MAN1A2: variants seen among roughly 807,000 people sequenced by gnomAD.
The protein encoded by MAN1A2 is mannosyl-oligosaccharide 1,2-alpha-mannosidase IB.
A neutral mutation model predicts 75.7 loss-of-function variants in MAN1A2; 26 were observed. The ratio of observed to expected loss-of-function variants is 0.34; its 90% confidence interval spans 0.25 to 0.48. The LOEUF is 0.48. Ranked by LOEUF, MAN1A2 falls within the 20% of genes least tolerant of loss-of-function variation. The pLI is 0.99. For missense variants in MAN1A2, 562 were observed against 775.5 expected (o/e 0.72, Z 3.27); for synonymous variants, 247 against 264.6 (o/e 0.93, Z 0.65).
chr1:117,511,511 A>G (rs954892237), intron 12 of MAN1A2, among the ~76,000 whole-genome samples: 2 of 151,904 alleles, frequency 1.3e-5, no homozygotes, highest in African/African-American at 4.8e-5. Context: ...CTTCCAGTAG[A>G]ATGTAAGCCT....
intron 6 of MAN1A2, among the ~76,000 whole-genome samples, chr1:117,456,685 A>C (rs1034454613): frequency 2.6e-5 from 4 of 152,026 alleles, no homozygotes; most frequent in Non-Finnish European, 4.4e-5. Context: ...TAAAATGTTT[A>C]AATATTTCAG....
intron 1 of MAN1A2, among the ~76,000 whole-genome samples, chr1:117,400,560 C>T (rs993140000): frequency 6.6e-6 from 1 of 151,350 alleles, no homozygotes; most frequent in Non-Finnish European, 1.5e-5. Context: ...TTCACCATCC[C>T]TCTTTTTTGT....
intron 8 of MAN1A2, among the ~76,000 whole-genome samples, chr1:117,466,973 T>G (rs903515251): frequency 1.3e-5 from 2 of 152,092 alleles, no homozygotes; most frequent in African/African-American, 4.8e-5. Flanking sequence ...CACATAAATG[T>G]TACTGTACAG....
At chr1:117,380,656 T>G (rs1317876555) in intron 1 of MAN1A2, among the ~76,000 whole-genome samples, 1 of 152,212 alleles carries the variant, frequency 6.6e-6, no homozygotes, top group Non-Finnish European at 1.5e-5. Context: ...ATTGGCACTC[T>G]TACTGAAAAT....
intron 8 of MAN1A2, among the ~76,000 whole-genome samples, chr1:117,488,945 A>T (rs1047380916): frequency 1.3e-5 from 2 of 152,088 alleles, no homozygotes; most frequent in African/African-American, 2.4e-5. Flanking sequence ...TTTGAGATCA[A>T]ATCTTTTCTA....
At chr1:117,384,223 T>G (rs1043005018) in intron 1 of MAN1A2, among the ~76,000 whole-genome samples, 3 of 152,164 alleles carry the variant, frequency 2.0e-5, no homozygotes, top group Non-Finnish European at 4.4e-5. Flanking sequence ...AGATTATTGA[T>G]TTTAGATCTT....
Position 117,526,859 on chromosome 1 carries a change from T to TCC in MAN1A2, c.*3903_*3904insCC. On this transcript the variant is annotated 3_prime_UTR_variant, in exon 13 of 13. Transcript: ENST00000356554. ...ATCTTTTCCTCTCTCTCTCTCTCTC[T>TCC]CTCTCTCTCTCTCTCTCTCTCTATA... The TCC allele has an allele frequency of 2.1e-5, 2 of 93,554 alleles. No homozygotes were observed. Among genetic ancestry groups the TCC allele is most frequent in the Admixed American group, 1.1e-4 (1 of 8,794 alleles). 5.8% of individuals were successfully genotyped at this position (93,554 alleles called of 1,614,324 possible). A position where few individuals can be genotyped will look rare whatever the true frequency, so the allele number is the denominator to read the frequency against.
At chr1:117,506,636 G>A (rs1651382354) in intron 12 of MAN1A2, among the ~76,000 whole-genome samples, 2 of 151,622 alleles carry the variant, frequency 1.3e-5, no homozygotes, top group Non-Finnish European at 3.0e-5. Context: ...AATACATTAA[G>A]TGCATAAGAG....
chr1:117,384,361 CAT>C (rs1399293121), intron 1 of MAN1A2, among the ~76,000 whole-genome samples: 4 of 152,132 alleles, frequency 2.6e-5, no homozygotes, highest in Non-Finnish European at 5.9e-5. Flanking sequence ...ATTTCTTTGA[CAT>C]GTTGGTTAAG....
At chr1:117,481,260 C>T (rs771789213) in intron 8 of MAN1A2, among the ~76,000 whole-genome samples, 4 of 151,688 alleles carry the variant, frequency 2.6e-5, no homozygotes, top group Non-Finnish European at 5.9e-5. Context: ...TTTTTCAATG[C>T]CATAGATTCC....
intron 5 of MAN1A2, among the ~76,000 whole-genome samples, chr1:117,428,784 CTTTT>C (rs780515731): frequency 7.8e-4 from 86 of 110,172 alleles, no homozygotes; most frequent in African/African-American, 3.0e-3. Context: ...GGAGACCTTT[CTTTT>C]TTTTTTTTTT....
chr1:117,390,553 A>G (rs756085649), intron 1 of MAN1A2, among the ~76,000 whole-genome samples: 15 of 151,910 alleles, frequency 9.9e-5, no homozygotes, highest in Middle Eastern at 3.4e-3. Flanking sequence ...ATTGATCTCA[A>G]ATAACTAGCT....
At chr1:117,430,315 C>T (rs1331334360) in intron 5 of MAN1A2, among the ~76,000 whole-genome samples, 44 of 134,432 alleles carry the variant, frequency 3.3e-4, no homozygotes, top group Non-Finnish European at 6.2e-4. Context: ...GGCTGACCCC[C>T]CCCACCTCCC....
At chr1:117,373,248 T>C (rs762360987) in intron 1 of MAN1A2, among the ~76,000 whole-genome samples, 2 of 152,162 alleles carry the variant, frequency 1.3e-5, no homozygotes, top group African/African-American at 2.4e-5. Flanking sequence ...GTCTCATCCC[T>C]CTTCTGGACC....
chr1:117,388,141 A>G (rs989016005), intron 1 of MAN1A2, among the ~76,000 whole-genome samples: 4 of 151,964 alleles, frequency 2.6e-5, no homozygotes, highest in African/African-American at 9.7e-5. Context: ...GACCACAGAA[A>G]CAAGTTGTCA....
intron 12 of MAN1A2, chr1:117,515,875 A>G (rs944472594): frequency 1.3e-5 from 2 of 152,124 alleles, no homozygotes; most frequent in African/African-American, 4.8e-5. Flanking sequence ...ACTTAATACT[A>G]CTGAACTATA....
chr1:117,398,134 A>G (rs1487662530), intron 1 of MAN1A2, among the ~76,000 whole-genome samples: 1 of 152,178 alleles, frequency 6.6e-6, no homozygotes, highest in African/African-American at 2.4e-5. Context: ...AGGGTCTCTG[A>G]ACTTAATGGA....
chr1:117,437,972 A>G (rs900562673), intron 5 of MAN1A2, among the ~76,000 whole-genome samples: 6 of 152,234 alleles, frequency 3.9e-5, no homozygotes, highest in African/African-American at 1.4e-4. Flanking sequence ...CTAAGCATTG[A>G]AAACAAATTT....
intron 1 of MAN1A2, 126 bp from the exon 2 acceptor site, chr1:117,402,060 C>A (rs1647449157): frequency 3.2e-6 from 3 of 923,614 alleles, no homozygotes; most frequent in Admixed American, 2.8e-5. Flanking sequence ...ATAATTCTTT[C>A]CTTTTAATGG....
Sources: allele counts gnomAD v4.1 joint callset (sites outside exome capture counted in the v4.1 genomes callset), GRCh38; gene constraint gnomAD v4.1.1; transcripts MANE v1.5; gene names NCBI Gene and HGNC (gene_info 2026-07-23, HGNC 2026-07-21).